Variants in MYRIP observed in about 807,000 individuals in gnomAD.
MYRIP encodes the protein myosin VIIA and Rab interacting protein, also known as rab effector MyRIP.
In MYRIP, 49 loss-of-function variants were observed where a neutral mutation model predicts 98.0. The observed-to-expected ratio is 0.50, with a 90% CI of 0.40 to 0.63. The LOEUF is 0.63. Among genes scored for constraint, MYRIP ranks in the 30% least tolerant of loss-of-function variants. MYRIP has a pLI of 0.00. For synonymous variants in MYRIP, 404 were observed against 409.5 expected (o/e 0.99, Z 0.16); for missense variants, 1,004 against 1,058.2 (o/e 0.95, Z 0.71).
chr3:40,249,125 A>T (rs1270890856), intron 13 of MYRIP, among the ~76,000 whole-genome samples: 1 of 152,212 alleles, frequency 6.6e-6, no homozygotes, highest in Admixed American at 6.5e-5. Flanking sequence ...ATTTGTCTTG[A>T]GTAGCACAGA....
At chr3:40,018,356 C>T (rs1209371426) in intron 2 of MYRIP, among the ~76,000 whole-genome samples, 1 of 152,204 alleles carries the variant, frequency 6.6e-6, no homozygotes, top group African/African-American at 2.4e-5. Flanking sequence ...CTCTCTCTCT[C>T]CAGAGCTCTA....
chr3:40,050,760 G>C (rs1334273317), intron 3 of MYRIP, among the ~76,000 whole-genome samples: 1 of 152,162 alleles, frequency 6.6e-6, no homozygotes, highest in Admixed American at 6.6e-5. Context: ...GAGCATTTGT[G>C]ATTTGTGAGA....
At chr3:39,883,677 T>C (rs1230662965) in intron 1 of MYRIP, among the ~76,000 whole-genome samples, 1 of 151,250 alleles carries the variant, frequency 6.6e-6, no homozygotes, top group Non-Finnish European at 1.5e-5. Flanking sequence ...AGTTGAAAAA[T>C]GCAAAAAAAA....
chr3:39,981,310 T>C (rs1458270182), intron 2 of MYRIP, among the ~76,000 whole-genome samples: 1 of 152,236 alleles, frequency 6.6e-6, no homozygotes, highest in Non-Finnish European at 1.5e-5. Context: ...CTGGGTTGTA[T>C]TCTTCCCTGT....
At chr3:39,831,858 C>T (rs1206672275) in intron 1 of MYRIP, among the ~76,000 whole-genome samples, 1 of 152,162 alleles carries the variant, frequency 6.6e-6, no homozygotes, top group Non-Finnish European at 1.5e-5. Flanking sequence ...TTGGACAGTG[C>T]TGGTAGAACC....
At position 40,233,991 on chromosome 3, in the gene MYRIP, A is replaced by G; in HGVS notation, c.2038A>G (p.Met680Val). ...AGTCCCTCCTGACAGACAGAAGGGGATGTTTCCTCGTGGGACAGACCAAGT... is the reference window on the plus strand; with the variant it reads ...AGTCCCTCCTGACAGACAGAAGGGGGTGTTTCCTCGTGGGACAGACCAAGT... ...PQVPPDRQKG[M>V]FPRGTDQVRL... is the part of the protein sequence containing the mutation. Residue 680 changes from methionine to valine, a missense_variant, in exon 12 of 17, where the codon ATG becomes GTG. This residue lies in a region of MYRIP where 880 missense variants were observed against 907.7 expected (regional missense o/e 0.97). Coordinates refer to ENST00000302541, the MANE Select transcript of MYRIP (RefSeq NM_015460.4). The G allele has an allele frequency of 1.2e-6, 2 of 1,613,374 alleles. No homozygotes were observed. Among genetic ancestry groups the G allele is most frequent in the Non-Finnish European group, 1.7e-6 (2 of 1,179,792 alleles).
rs147170587 is a variant in MYRIP at position 39,935,756 on chromosome 3, C to T, written c.110+34830C>T. Among the ~76,000 whole-genome samples the T allele has an allele frequency of 9.5e-4, 145 of 152,196 alleles. 4 individuals carry two copies. The East Asian group carries it at 0.026, about 28-fold the overall frequency. ...CAAGGACAAGCAGGAACAGGAAATG[C>T]TGATGTATGGAGTTGAAGGTGAAGG... On this transcript the variant is annotated intron_variant, in intron 2 of 16. Transcript: ENST00000302541.
intron 3 of MYRIP, among the ~76,000 whole-genome samples, chr3:40,066,007 T>G (rs1372167567): frequency 6.6e-6 from 1 of 152,174 alleles, no homozygotes; most frequent in African/African-American, 2.4e-5. Context: ...GATCTGCTCC[T>G]GCCATGAACT....
chr3:40,170,234 G>A (rs1950585679), intron 8 of MYRIP, 141 bp downstream of exon 8: 4 of 1,093,700 alleles, frequency 3.7e-6, no homozygotes, highest in African/African-American at 1.6e-5. Flanking sequence ...AAGAGAAAGT[G>A]AGTGTGAGTC....
chr3:40,005,570 T>C (rs1434515878), intron 2 of MYRIP, among the ~76,000 whole-genome samples: 1 of 152,322 alleles, frequency 6.6e-6, no homozygotes, highest in Admixed American at 6.5e-5. Flanking sequence ...GGAAAATAGA[T>C]TTCATAGGCA....
At chr3:39,859,088 A>G (rs1449776629) in intron 1 of MYRIP, among the ~76,000 whole-genome samples, 1 of 148,744 alleles carries the variant, frequency 6.7e-6, no homozygotes, top group Non-Finnish European at 1.5e-5. Context: ...AGAAAAGACC[A>G]ATGAAACTGA....
intron 11 of MYRIP, among the ~76,000 whole-genome samples, chr3:40,228,161 G>A (rs1336256065): frequency 6.6e-6 from 1 of 152,172 alleles, no homozygotes; most frequent in Non-Finnish European, 1.5e-5. Context: ...ACAGAGCCCT[G>A]AGGGACAGGC....
chr3:40,002,782 A>T, intron 2 of MYRIP, among the ~76,000 whole-genome samples: 1 of 152,134 alleles, frequency 6.6e-6, no homozygotes, highest in Non-Finnish European at 1.5e-5. Flanking sequence ...ATAGGTATAG[A>T]TATAAATAGA....
chr3:39,810,467 G>A (rs1219456752), intron 1 of MYRIP: 1 of 152,978 alleles, frequency 6.5e-6, no homozygotes, highest in Non-Finnish European at 1.5e-5. Context: ...GGGGAGAGCT[G>A]TTGGCGGGGC....
At chr3:39,842,435 C>T (rs1941831676) in intron 1 of MYRIP, among the ~76,000 whole-genome samples, 1 of 152,166 alleles carries the variant, frequency 6.6e-6, no homozygotes. Flanking sequence ...CCACTTGGCT[C>T]CCTGGCTTCA....
intron 11 of MYRIP, among the ~76,000 whole-genome samples, chr3:40,224,251 G>A (rs1312234515): frequency 6.6e-6 from 1 of 152,090 alleles, no homozygotes; most frequent in Non-Finnish European, 1.5e-5. Context: ...AGATCACCCT[G>A]GCTGCCATGT....
In MYRIP at chr3:40,022,050, TAC is replaced by T. The variant is rs1947011453; in HGVS notation, c.111-21998_111-21997del. The stretch of plus-strand genomic sequence containing the variant: ...TCAGTTGTTTTGCCTACATGTTTTT[TAC>T]AGTGTTAGAAGCCTAAACAATTAAT... On this transcript the variant is annotated intron_variant, in intron 2 of 16. Coordinates refer to ENST00000302541, the MANE Select transcript of MYRIP (RefSeq NM_015460.4). Among the ~76,000 whole-genome samples the T allele has an allele frequency of 2.6e-5, 4 of 152,372 alleles. No individual in the cohort carries two copies. The South Asian group carries it at 8.3e-4, about 32-fold the overall frequency.
chr3:39,895,473 C>T (rs1943585065), intron 1 of MYRIP, among the ~76,000 whole-genome samples: 1 of 152,120 alleles, frequency 6.6e-6, no homozygotes. Flanking sequence ...AAGTGTGAGC[C>T]ACTGTGCCCG....
intron 2 of MYRIP, among the ~76,000 whole-genome samples, chr3:39,983,562 C>G (rs938136038): frequency 6.6e-6 from 1 of 152,100 alleles, no homozygotes; most frequent in African/African-American, 2.4e-5. Flanking sequence ...CTTATTTATT[C>G]AACAAATAGC....
Sources: gnomAD v4.1 joint callset for allele counts (sites outside exome capture counted in the v4.1 genomes callset) on GRCh38, gnomAD v4.1.1 for gene constraint, gnomAD v4.1.1 regional missense constraint, MANE v1.5 for transcripts, NCBI Gene and HGNC (gene_info 2026-07-23, HGNC 2026-07-21) for gene names.